The following TMPRSS7 variants were observed in gnomAD, a reference collection of about 807,000 sequenced individuals.
TMPRSS7 encodes transmembrane serine protease 7, also known as transmembrane protease serine 7.
In TMPRSS7, 81 loss-of-function variants were observed where a neutral mutation model predicts 95.6. That is an observed-to-expected ratio of 0.85 (90% CI 0.71 to 1.02). The LOEUF (loss-of-function observed/expected upper bound fraction) is 1.02, where lower values mean the gene tolerates loss of function less well. TMPRSS7 is among the 50% of genes least tolerant of loss of function. The probability of loss-of-function intolerance (pLI) is 0.00; values close to 1 mark genes in which losing one functional copy is unlikely to be tolerated. For synonymous variants in TMPRSS7, 364 were observed against 337.8 expected (o/e 1.08, Z -0.85); for missense variants, 945 against 955.2 (o/e 0.99, Z 0.14).
chr3:112,048,061 C>A (rs2073301808), intron 7 of TMPRSS7, 94 bp downstream of exon 7: 1 of 1,252,606 alleles, frequency 8.0e-7, no homozygotes, highest in Non-Finnish European at 1.1e-6. Context: ...TTTTTAAAAA[C>A]AGTTTTTGTG....
chr3:112,040,858 G>GAGGTAGACAGAGAAAC (rs1426966642), intron 2 of TMPRSS7, among the ~76,000 whole-genome samples: 1 of 152,182 alleles, frequency 6.6e-6, no homozygotes, highest in Non-Finnish European at 1.5e-5. Flanking sequence ...CTTGAAAAAG[G>GAGGTAGACAGAGAAAC]AGGTAGACAG....
Position 112,047,975 on chromosome 3 carries a change from G to A in TMPRSS7, c.959+8G>A, listed in dbSNP as rs2073300996. ...GAGCAGCATCTTGTACAGGTACGAT[G>A]CAGGTACTCTTCTTGGTGGGTAAAA... is the stretch of plus-strand genomic sequence containing the variant. On this transcript the variant is annotated splice_region_variant and intron_variant, in intron 7 of 17. Transcript: ENST00000452346. The A allele has an allele frequency of 1.2e-6, 2 of 1,607,582 alleles. No individual in the cohort carries two copies. The highest frequency in any genetic ancestry group is 1.1e-5 in the South Asian group (1 of 90,930).
chr3:112,063,610 T>C (rs780233543), exon 12 of TMPRSS7: 4 of 1,613,964 alleles, frequency 2.5e-6, no homozygotes, highest in Non-Finnish European at 3.4e-6. Flanking sequence ...ACTGCTTTGA[T>C]GAAAGTGATG....
chr3:112,067,834 ATT>A (rs1353844709), intron 13 of TMPRSS7, among the ~76,000 whole-genome samples: 1 of 152,142 alleles, frequency 6.6e-6, no homozygotes, highest in East Asian at 1.9e-4. Flanking sequence ...CTTTAGTTTA[ATT>A]GGATCCCATT....
intron 9 of TMPRSS7, among the ~76,000 whole-genome samples, chr3:112,055,200 G>A (rs1327894285): frequency 6.6e-6 from 1 of 152,128 alleles, no homozygotes; most frequent in Non-Finnish European, 1.5e-5. Context: ...ACCGGGAAAA[G>A]GGTGACCTTC....
chr3:112,067,986 C>A (rs1197973121), intron 13 of TMPRSS7, among the ~76,000 whole-genome samples: 2 of 152,286 alleles, frequency 1.3e-5, no homozygotes, highest in Admixed American at 6.5e-5. Context: ...AATCTTTAAT[C>A]CATCTGGAAT....
exon 2 of TMPRSS7, chr3:112,038,148 G>A (rs754625918): frequency 2.4e-5 from 17 of 702,590 alleles, no homozygotes; most frequent in African/African-American, 3.5e-5. Flanking sequence ...CCAGGGAGAC[G>A]ACTACCATTG....
intron 16 of TMPRSS7, among the ~76,000 whole-genome samples, chr3:112,078,143 T>C (rs2073735379): frequency 6.6e-6 from 1 of 152,196 alleles, no homozygotes; most frequent in African/African-American, 2.4e-5. Flanking sequence ...CTGTGAACAC[T>C]TGTAACTTTG....
At chr3:112,056,460 C>T (rs1459813556) in intron 9 of TMPRSS7, among the ~76,000 whole-genome samples, 1 of 152,034 alleles carries the variant, frequency 6.6e-6, no homozygotes, top group Non-Finnish European at 1.5e-5. Context: ...AAGTGAGTTG[C>T]ATAGTGTGTG....
At chr3:112,045,942 T>C in exon 5 of TMPRSS7, 1 of 1,545,840 alleles carries the variant, frequency 6.5e-7, no homozygotes. Flanking sequence ...TGGTACTAAA[T>C]GGTGATTGTT....
At chr3:112,064,351 C>CTTTTCTTTTT (rs56791526) in intron 12 of TMPRSS7, among the ~76,000 whole-genome samples, 141,428 of 149,112 alleles carry the variant, frequency 0.95, 67,261 homozygotes, top group Non-Finnish European at 1. Flanking sequence ...TGTGTGTTTT[C>CTTTTCTTTTT]TTTTCTTTTT....
At chr3:112,077,209 C>A in intron 16 of TMPRSS7, 65 bp downstream of exon 16, 1 of 1,546,544 alleles carries the variant, frequency 6.5e-7, no homozygotes, top group Non-Finnish European at 8.8e-7. Flanking sequence ...TTATGTAGTG[C>A]TTTAGGGTTC....
rs557819485 is a variant in TMPRSS7 at position 112,077,130 on chromosome 3, G to A, written c.2210G>A (p.Arg737Gln). The change falls in exon 16 of 18, where the codon CGA becomes CAA. Residue 737 changes from arginine to glutamine, a missense_variant. Physicochemically the swap from Arg to Gln is conservative, Grantham distance 43 (BLOSUM62 1). Coordinates refer to ENST00000452346, the Ensembl canonical transcript of TMPRSS7. ...AAGTGCTGGGTAACTGGCTGGGGGC[G>A]AAGACACGAAGCAGGTGTGTGTATG... 1.2e-5 allele frequency: 20 copies of A among 1,613,978 alleles called. No individual in the cohort carries two copies. The highest frequency in any genetic ancestry group is 9.9e-5 in the South Asian group (9 of 91,038).
chr3:112,070,951 G>A (rs1164255614), intron 13 of TMPRSS7, among the ~76,000 whole-genome samples: 1 of 152,134 alleles, frequency 6.6e-6, no homozygotes, highest in Non-Finnish European at 1.5e-5. Context: ...TTACATTTAA[G>A]GTTAATATTG....
chr3:112,080,947 A>G (rs752557544), exon 18 of TMPRSS7: 1 of 1,613,864 alleles, frequency 6.2e-7, no homozygotes, highest in Non-Finnish European at 8.5e-7. Flanking sequence ...TTGTCGAAGA[A>G]AAAGTGATGG....
intron 9 of TMPRSS7, among the ~76,000 whole-genome samples, chr3:112,056,178 C>T (rs1208627773): frequency 1.3e-5 from 2 of 152,096 alleles, no homozygotes; most frequent in African/African-American, 2.4e-5. Context: ...ATATCATACA[C>T]GAGTTTCATA....
chr3:112,070,569 T>C lies in TMPRSS7; in HGVS notation c.1667-3727T>C, dbSNP rs532859649. 3.9e-5 allele frequency among the ~76,000 whole-genome samples: 6 copies of C among 152,354 alleles called. No homozygotes were observed. The South Asian group carries it at 1.2e-3, about 32-fold the overall frequency. ...AGCTCTTCTTGTTTAATTGATCCCT[T>C]TACCATTATGTAATGGCCCTCTTTG... On this transcript the variant is annotated intron_variant, in intron 13 of 17. Coordinates refer to ENST00000452346, the Ensembl canonical transcript of TMPRSS7.
At chr3:112,047,707 G>T (rs746516787) in intron 6 of TMPRSS7, 32 bp from the exon 7 acceptor site, 20 of 1,473,852 alleles carry the variant, frequency 1.4e-5, no homozygotes, top group Non-Finnish European at 1.9e-5. Flanking sequence ...TAAAAAAAAA[G>T]AAAATAAAGG....
At chr3:112,078,295 C>A (rs2073737352) in intron 16 of TMPRSS7, among the ~76,000 whole-genome samples, 1 of 152,146 alleles carries the variant, frequency 6.6e-6, no homozygotes, top group Non-Finnish European at 1.5e-5. Context: ...TCATCTTAGC[C>A]AGGTAGGTTC....
Sources: gnomAD v4.1 joint callset for allele counts (sites outside exome capture counted in the v4.1 genomes callset) on GRCh38, gnomAD v4.1.1 for gene constraint, MANE v1.5 for transcripts, NCBI Gene and HGNC (gene_info 2026-07-23, HGNC 2026-07-21) for gene names.